PTGDS: variants seen among roughly 807,000 people sequenced by gnomAD.
PTGDS encodes the protein prostaglandin-H2 D-isomerase.
In PTGDS, 21 loss-of-function variants were observed where a neutral mutation model predicts 28.4. That is an observed-to-expected ratio of 0.74 (90% CI 0.52 to 1.07). The LOEUF (loss-of-function observed/expected upper bound fraction) is 1.07. PTGDS is among the 50% of genes least tolerant of loss of function. The pLI is 0.00. For missense variants in PTGDS, 243 were observed against 247.7 expected (o/e 0.98, Z 0.13); for synonymous variants, 102 against 106.0 (o/e 0.96, Z 0.23).
At chr9:136,980,805 C>G (rs749550609) in intron 5 of PTGDS, 28 bp from the exon 6 acceptor site, 2 of 1,613,794 alleles carry the variant, frequency 1.2e-6, no homozygotes, top group Admixed American at 3.3e-5. Context: ...GGGGTTCTGA[C>G]GACAGCCCCT....
chr9:136,977,725 T>C, intron 1 of PTGDS, 33 bp downstream of exon 1: 1 of 1,515,910 alleles, frequency 6.6e-7, no homozygotes, highest in Non-Finnish European at 8.9e-7. Flanking sequence ...CCCCAAGGGC[T>C]ACAGGACCCT....
chr9:136,980,466 C>T (rs916168193), intron 5 of PTGDS, among the ~76,000 whole-genome samples, 182 bp downstream of exon 5: 1 of 152,204 alleles, frequency 6.6e-6, no homozygotes, highest in Admixed American at 6.5e-5. Flanking sequence ...CATGAGGAGC[C>T]CCCTCCATGG....
Position 136,977,538 on chromosome 9 carries a change from C to A in PTGDS, c.-41C>A. The stretch of plus-strand genomic sequence containing the variant: ...GCACACCTCCCTCGCTCTCCCACAC[C>A]ACTGGCACCAGGCCCCGGACACCCG... On this transcript the variant is annotated 5_prime_UTR_variant, in exon 1 of 7. Coordinates refer to ENST00000371625, the MANE Select transcript of PTGDS (RefSeq NM_000954.6). 1 of 1,461,562 alleles carries A rather than the reference C, an allele frequency of 6.8e-7. No individual in the cohort carries two copies. 90.5% of individuals were successfully genotyped at this position (1,461,562 alleles called of 1,614,324 possible). A position where few individuals can be genotyped will look rare whatever the true frequency, so the allele number is the denominator to read the frequency against.
In PTGDS at chr9:136,977,666, G is replaced by A. The variant is rs1245728789; in HGVS notation, c.88G>A (p.Val30Met). Residue 30 changes from valine (V) to methionine (M), a missense_variant, in exon 1 of 7, where the codon GTG (valine) becomes ATG (methionine). Val to Met is a conservative substitution (Grantham distance 21). Coordinates refer to ENST00000371625, the MANE Select transcript of PTGDS (RefSeq NM_000954.6). ...LQAAPEAQVS[V>M]QPNFQQDKFL... ...GGCAGCACCGGAGGCCCAGGTCTCC[G>A]TGCAGCCCAACTTCCAGCAGGACAA... 2.5e-6 allele frequency: 4 copies of A among 1,604,698 alleles called. No individual in the cohort carries two copies. Among genetic ancestry groups the A allele is most frequent in the African/African-American group, 1.3e-5 (1 of 74,712 alleles).
chr9:136,979,657 G>A, intron 3 of PTGDS: 1 of 611,618 alleles, frequency 1.6e-6, no homozygotes, highest in Non-Finnish European at 2.8e-6. Context: ...CTGGGGAATG[G>A]CTCCCACGGG....
chr9:136,979,417 CCAGCGTCAGAGGCAA>C, intron 3 of PTGDS, 118 bp downstream of exon 3: 1 of 1,563,090 alleles, frequency 6.4e-7, no homozygotes, highest in Non-Finnish European at 8.6e-7. Flanking sequence ...GGCTGCCCCA[CCAGCGTCAGAGGCAA>C]AGGCCAGGCC....
intron 3 of PTGDS, 65 bp downstream of exon 3, chr9:136,979,364 G>T: frequency 6.3e-7 from 1 of 1,584,024 alleles, no homozygotes; most frequent in East Asian, 2.2e-5. Context: ...GGACGACTCT[G>T]GGCCAGCCCC....
At chr9:136,978,477 A>G (rs1588486248) in intron 1 of PTGDS, among the ~76,000 whole-genome samples, 1 of 13,352 alleles carries the variant, frequency 7.5e-5, no homozygotes, top group Admixed American at 9.1e-4. Context: ...GGGAGGGGGA[A>G]GTGGGGCGTG....
Position 136,979,208 on chromosome 9 carries a change from G to A in PTGDS, c.255-15G>A, listed in dbSNP as rs1830419629. ...CTCGGGCCTAACCCCTGACCCTGAG[G>A]TCACCCACCTACAGGAAAAACCAGT... On this transcript the variant is annotated splice_polypyrimidine_tract_variant and intron_variant, in intron 2 of 6. Transcript: ENST00000371625. 1.2e-6 allele frequency: 2 copies of A among 1,612,978 alleles called. No individual in the cohort carries two copies. The highest frequency in any genetic ancestry group is 1.7e-5 in the Admixed American group (1 of 59,988).
intron 1 of PTGDS, among the ~76,000 whole-genome samples, chr9:136,978,507 C>A (rs1214005719): frequency 1.3e-4 from 2 of 15,686 alleles, no homozygotes; most frequent in Non-Finnish European, 2.4e-4. Flanking sequence ...TGGGGCGGGG[C>A]GTGAGGGGCG....
chr9:136,978,950 C>G, intron 1 of PTGDS, 43 bp from the exon 2 acceptor site: 2 of 1,595,476 alleles, frequency 1.3e-6, no homozygotes, highest in African/African-American at 1.3e-5. Flanking sequence ...GCAGGTGGGT[C>G]CGGAGGGTCC....
At chr9:136,979,875 A>C (rs1588487372) in intron 3 of PTGDS, 71 bp from the exon 4 acceptor site, 7 of 1,420,520 alleles carry the variant, frequency 4.9e-6, no homozygotes, top group Admixed American at 1.7e-5. Context: ...CCACAGGTGC[A>C]CCCCTTCCCT....
rs754278750 is a variant in PTGDS, at chr9:136,979,264, C to CG, written c.300dup (p.Ser101ValfsTer58). On this transcript the variant is annotated frameshift_variant, in exon 3 of 7. Transcript: ENST00000371625. LOFTEE classifies it high-confidence loss of function. ...ACCCGAACCATGCTGCTGCAGCCCGCGGGGTCCCTCGGCTCCTACAGCTAC... is the reference window on the plus strand; with the variant it reads ...ACCCGAACCATGCTGCTGCAGCCCGCGGGGGTCCCTCGGCTCCTACAGCTAC... 1 of 1,612,152 alleles carries CG rather than the reference C, an allele frequency of 6.2e-7. No homozygotes were observed. Among genetic ancestry groups the CG allele is most frequent in the South Asian group, 1.1e-5 (1 of 91,058 alleles).
chr9:136,979,326 G>A (rs779000159), intron 3 of PTGDS, 27 bp downstream of exon 3: 4 of 1,599,874 alleles, frequency 2.5e-6, no homozygotes, highest in Non-Finnish European at 3.4e-6. Flanking sequence ...CCGGCCCCCT[G>A]GGCCCAGCCT....
At chr9:136,978,085 T>G (rs1052120487) in intron 1 of PTGDS, among the ~76,000 whole-genome samples, 1 of 151,996 alleles carries the variant, frequency 6.6e-6, no homozygotes, top group Non-Finnish European at 1.5e-5. Context: ...CGGTGGGGGT[T>G]GGGAGGGACG....
intron 5 of PTGDS, chr9:136,980,577 G>T: frequency 7.6e-7 from 1 of 1,308,358 alleles, no homozygotes; most frequent in Non-Finnish European, 1.0e-6. Context: ...GGTGCCCATG[G>T]GGGATACAGG....
chr9:136,977,828 G>A (rs1830389292), intron 1 of PTGDS, 136 bp downstream of exon 1: 7 of 827,704 alleles, frequency 8.5e-6, no homozygotes, highest in African/African-American at 1.8e-5. Flanking sequence ...GGGACTGAGC[G>A]GGCGCGCAGG....
At position 136,979,138 on chromosome 9, in the gene PTGDS, ACAGCGGG is replaced by A; in HGVS notation, c.254+10_254+16del. ...CTGACCTCCACCTTCCTCAGGTGGG[ACAGCGGG>A]CAGGTGGGTTTCTGGGACGGAGAGG... On this transcript the variant is annotated splice_region_variant and intron_variant, in intron 2 of 6. Coordinates refer to ENST00000371625, the MANE Select transcript of PTGDS (RefSeq NM_000954.6). 3 of 1,612,856 alleles carry A rather than the reference ACAGCGGG, an allele frequency of 1.9e-6. No individual in the cohort carries two copies. The highest frequency in any genetic ancestry group is 2.5e-6 in the Non-Finnish European group (3 of 1,179,784).
intron 6 of PTGDS, 28 bp downstream of exon 6, chr9:136,980,883 C>CATTA (rs1409988648): frequency 2.5e-6 from 4 of 1,572,750 alleles, no homozygotes; most frequent in Non-Finnish European, 3.5e-6. Flanking sequence ...TTCATTCATT[C>CATTA]ATTCATTCAT....
Sources: allele counts gnomAD v4.1 joint callset (sites outside exome capture counted in the v4.1 genomes callset), GRCh38; gene constraint gnomAD v4.1.1; transcripts MANE v1.5; gene names NCBI Gene and HGNC (gene_info 2026-07-23, HGNC 2026-07-21).